DLGAP1: variants seen among roughly 807,000 people sequenced by gnomAD.
The protein encoded by DLGAP1 is disks large-associated protein 1.
Under a neutral mutation model 90.8 loss-of-function variants are expected in DLGAP1, and 11 were observed. The ratio of observed to expected loss-of-function variants is 0.12; its 90% CI spans 0.08 to 0.20. The LOEUF (loss-of-function observed/expected upper bound fraction) is 0.20, where lower values mean the gene tolerates loss of function less well. DLGAP1 is among the 10% of genes least tolerant of loss of function. DLGAP1 has a pLI of 1.00. For missense variants in DLGAP1, 1,050 were observed against 1,333.8 expected (o/e 0.79, Z 3.31); for synonymous variants, 558 against 540.7 (o/e 1.03, Z -0.44).
At chr18:4,166,632 C>T (rs1166721909) in intron 1 of DLGAP1, among the ~76,000 whole-genome samples, 1 of 152,132 alleles carries the variant, frequency 6.6e-6, no homozygotes, top group South Asian at 2.1e-4. Context: ...TTCACCGTAG[C>T]CAAAAGGTAG....
chr18:3,957,187 G>A lies in DLGAP1; in HGVS notation c.-73+47929C>T, dbSNP rs190051882. ...TTATAAGAGAAAGAGAAGAACAAGA[G>A]AGTCAGAGCCAGAGACTGATTTGAA... On this transcript the variant is annotated intron_variant, in intron 3 of 12. Coordinates refer to ENST00000315677, the MANE Select transcript of DLGAP1 (RefSeq NM_004746.4). Among the ~76,000 whole-genome samples the A allele has an allele frequency of 6.6e-5, 10 of 152,314 alleles. No individual in the cohort carries two copies. In the East Asian group the frequency reaches 1.9e-3, roughly 29 times the overall value.
chr18:3,843,400 G>A (rs1311402662), intron 4 of DLGAP1, among the ~76,000 whole-genome samples: 3 of 152,114 alleles, frequency 2.0e-5, no homozygotes, highest in African/African-American at 7.2e-5. Flanking sequence ...AAGCTCTGCT[G>A]GTATAAAAAT....
intron 2 of DLGAP1, among the ~76,000 whole-genome samples, chr18:4,030,053 C>G (rs889375937): frequency 6.6e-6 from 1 of 152,256 alleles, no homozygotes; most frequent in East Asian, 1.9e-4. Context: ...AGAGCAGTGG[C>G]GCGATCTCGG....
chr18:4,218,390 T>C (rs538066482), intron 1 of DLGAP1, among the ~76,000 whole-genome samples: 3 of 152,056 alleles, frequency 2.0e-5, no homozygotes, highest in African/African-American at 2.4e-5. Context: ...TATTTTGATA[T>C]ATATTTACAA....
intron 3 of DLGAP1, chr18:3,984,279 T>C (rs1284326222): frequency 6.6e-6 from 1 of 152,156 alleles, no homozygotes; most frequent in African/African-American, 2.4e-5. Context: ...CCAAAATCCC[T>C]TGTGAGGGCA....
At chr18:4,315,004 G>T (rs1047694285) in intron 1 of DLGAP1, among the ~76,000 whole-genome samples, 1 of 152,156 alleles carries the variant, frequency 6.6e-6, no homozygotes, top group African/African-American at 2.4e-5. Context: ...TGGGACTTAT[G>T]AAATTTATTA....
At chr18:3,816,548 C>A (rs988700112) in intron 4 of DLGAP1, among the ~76,000 whole-genome samples, 1 of 152,116 alleles carries the variant, frequency 6.6e-6, no homozygotes, top group Non-Finnish European at 1.5e-5. Flanking sequence ...AAGTACTAAC[C>A]AAGATGAAGC....
chr18:3,922,574 T>G (rs577837618), intron 3 of DLGAP1, among the ~76,000 whole-genome samples: 1 of 152,340 alleles, frequency 6.6e-6, no homozygotes, highest in Non-Finnish European at 1.5e-5. Context: ...CTTGGACATA[T>G]TGCAAATCAT....
At chr18:4,109,218 A>G (rs2075926594) in intron 2 of DLGAP1, among the ~76,000 whole-genome samples, 1 of 152,008 alleles carries the variant, frequency 6.6e-6, no homozygotes. Flanking sequence ...ACTAAGCTAT[A>G]TCACTTGATG....
At chr18:3,921,504 G>C (rs1050417296) in intron 3 of DLGAP1, among the ~76,000 whole-genome samples, 3 of 152,156 alleles carry the variant, frequency 2.0e-5, no homozygotes, top group African/African-American at 7.2e-5. Context: ...ATAAGAACTA[G>C]AGAATGTATT....
chr18:3,837,297 T>C (rs1354667975), intron 4 of DLGAP1, among the ~76,000 whole-genome samples: 1 of 152,202 alleles, frequency 6.6e-6, no homozygotes, highest in African/African-American at 2.4e-5. Flanking sequence ...TTATTTTCTA[T>C]AAAAAGGAAG....
At chr18:4,306,766 T>C (rs2080274188) in intron 1 of DLGAP1, among the ~76,000 whole-genome samples, 1 of 152,156 alleles carries the variant, frequency 6.6e-6, no homozygotes, top group Non-Finnish European at 1.5e-5. Flanking sequence ...AAATGACATT[T>C]GCTACCTTAA....
intron 7 of DLGAP1, among the ~76,000 whole-genome samples, chr18:3,648,766 A>G (rs74937711): frequency 6.6e-6 from 1 of 152,350 alleles, no homozygotes; most frequent in South Asian, 2.1e-4. Flanking sequence ...AAACAAATAC[A>G]CAGACATTGA....
intron 5 of DLGAP1, among the ~76,000 whole-genome samples, chr18:3,744,887 A>C (rs894175576): frequency 2.6e-5 from 4 of 152,238 alleles, no homozygotes; most frequent in Non-Finnish European, 4.4e-5. Flanking sequence ...ACTCATTTTA[A>C]AGTTTATATA....
intron 10 of DLGAP1, among the ~76,000 whole-genome samples, chr18:3,523,560 A>T (rs147724342): frequency 6.6e-6 from 1 of 151,896 alleles, no homozygotes; most frequent in Non-Finnish European, 1.5e-5. Flanking sequence ...AAATGGGCAA[A>T]GGTCCGACCA....
At chr18:3,618,537 G>A (rs1252314844) in intron 7 of DLGAP1, among the ~76,000 whole-genome samples, 1 of 150,524 alleles carries the variant, frequency 6.6e-6, no homozygotes, top group Non-Finnish European at 1.5e-5. Context: ...ACTGGTGACT[G>A]CTAGCCATAA....
At chr18:3,609,389 T>C (rs58982243) in intron 7 of DLGAP1, among the ~76,000 whole-genome samples, 47,129 of 152,094 alleles carry the variant, frequency 0.31, 7,641 homozygotes, top group Non-Finnish European at 0.34. Context: ...GTGAAACTTA[T>C]GTTAAATAAA....
chr18:4,077,710 A>T (rs538453566), intron 2 of DLGAP1, among the ~76,000 whole-genome samples: 1 of 152,296 alleles, frequency 6.6e-6, no homozygotes, highest in Admixed American at 6.5e-5. Context: ...TTTCCCAGAT[A>T]TTAGAATTAT....
At chr18:4,382,381 T>C (rs1232023432) in intron 1 of DLGAP1, among the ~76,000 whole-genome samples, 1 of 152,182 alleles carries the variant, frequency 6.6e-6, no homozygotes, top group Non-Finnish European at 1.5e-5. Context: ...TTATGCATTA[T>C]GGTTGTCAGC....
Sources: gnomAD v4.1 joint callset for allele counts (sites outside exome capture counted in the v4.1 genomes callset) on GRCh38, gnomAD v4.1.1 for gene constraint, MANE v1.5 for transcripts, NCBI Gene and HGNC (gene_info 2026-07-23, HGNC 2026-07-21) for gene names.